The following KCNQ1 variants were observed in gnomAD, a reference collection of about 807,000 sequenced individuals.
KCNQ1 encodes potassium voltage-gated channel subfamily Q member 1, also known as potassium voltage-gated channel subfamily KQT member 1.
In KCNQ1, 49 loss-of-function variants were observed where a neutral mutation model predicts 72.4. The observed-to-expected ratio is 0.68, with a 90% CI of 0.54 to 0.86. The LOEUF is 0.86. Ranked by LOEUF, KCNQ1 falls within the 40% of genes least tolerant of loss-of-function variation. The pLI is 0.00. For missense variants in KCNQ1, 790 were observed against 945.1 expected (o/e 0.84, Z 2.15); for synonymous variants, 450 against 412.6 (o/e 1.09, Z -1.10).
intron 11 of KCNQ1, chr11:2,685,708 C>T (rs1850476473): frequency 2.5e-6 from 1 of 398,542 alleles, no homozygotes; most frequent in Non-Finnish European, 4.4e-6. Context: ...GTCTGGGACC[C>T]CAGGGAGGGT....
At chr11:2,801,755 C>G (rs777574523) in intron 15 of KCNQ1, among the ~76,000 whole-genome samples, 10 of 152,212 alleles carry the variant, frequency 6.6e-5, no homozygotes, top group Non-Finnish European at 1.3e-4. Context: ...CCACTGCATG[C>G]TGAAGGGCAG....
Position 2,653,776 on chromosome 11 carries a change from C to T in KCNQ1, c.1394-8185C>T, listed in dbSNP as rs1339928551. On this transcript the variant is annotated intron_variant, in intron 10 of 15. Coordinates refer to ENST00000155840, the MANE Select transcript of KCNQ1 (RefSeq NM_000218.3). The surrounding 1 kb of genome is among the most constrained non-coding windows in gnomAD (Gnocchi z 5.3). ...GGCCTCAGCTGGGGTACAAGCCATC[C>T]TTGGACCTGCAGCTGTACCTCCGAT... is the stretch of plus-strand genomic sequence containing the variant. 1 of 398,540 alleles carries T rather than the reference C, an allele frequency of 2.5e-6. No homozygotes were observed. Among genetic ancestry groups the T allele is most frequent in the African/African-American group, 2.1e-5 (1 of 48,642 alleles). 24.7% of individuals were successfully genotyped at this position (398,540 alleles called of 1,614,324 possible).
intron 15 of KCNQ1, among the ~76,000 whole-genome samples, chr11:2,833,760 C>T (rs1024157065): frequency 2.0e-5 from 3 of 152,224 alleles, no homozygotes; most frequent in Admixed American, 1.3e-4. Flanking sequence ...GCAAGTGCCC[C>T]GAGACGGGAC....
chr11:2,662,539 C>T (rs1370726506), intron 11 of KCNQ1: 1 of 428,240 alleles, frequency 2.3e-6, no homozygotes, highest in South Asian at 8.6e-5. Context: ...ATTTTCCACG[C>T]CTTCCAGTTG....
At position 2,477,027 on chromosome 11, in the gene KCNQ1, C is replaced by T. The variant is rs1846579069; in HGVS notation, c.386+31543C>T. Among the ~76,000 whole-genome samples the T allele has an allele frequency of 6.6e-6, 1 of 152,146 alleles. No individual in the cohort carries two copies. Among genetic ancestry groups the T allele is most frequent in the Non-Finnish European group, 1.5e-5 (1 of 68,034 alleles). On this transcript the variant is annotated intron_variant, in intron 1 of 15. Transcript: ENST00000155840. This position sits in a 1 kb window ranked among gnomAD's most constrained non-coding sequence, Gnocchi z 5.0. ...GACAGTACTTTGTAAAATTGTACTC[C>T]AGTGAATTTGAAAAATGTTGTGAGA...
intron 11 of KCNQ1, among the ~76,000 whole-genome samples, chr11:2,716,421 C>T (rs1336127235): frequency 6.6e-6 from 1 of 152,160 alleles, no homozygotes; most frequent in African/African-American, 2.4e-5. Context: ...AGAACACAGT[C>T]CCCAAGCCTC....
intron 10 of KCNQ1, among the ~76,000 whole-genome samples, chr11:2,590,112 T>C (rs1466022221): frequency 6.6e-6 from 1 of 152,146 alleles, no homozygotes; most frequent in Non-Finnish European, 1.5e-5. Flanking sequence ...TAAAACCAAA[T>C]GTGAAGGATT....
intron 1 of KCNQ1, among the ~76,000 whole-genome samples, chr11:2,506,670 G>A (rs1847110217): frequency 6.6e-6 from 1 of 152,184 alleles, no homozygotes; most frequent in Admixed American, 6.5e-5. Flanking sequence ...TGTTGGATGT[G>A]ACCAAATTTC....
At chr11:2,806,099 G>C (rs975758223) in intron 15 of KCNQ1, among the ~76,000 whole-genome samples, 4 of 152,178 alleles carry the variant, frequency 2.6e-5, no homozygotes, top group African/African-American at 7.2e-5. Context: ...GACAAACATG[G>C]TCCCAGTTTC....
intron 11 of KCNQ1, among the ~76,000 whole-genome samples, chr11:2,765,915 G>C (rs1846489660): frequency 6.6e-6 from 1 of 152,080 alleles, no homozygotes; most frequent in African/African-American, 2.4e-5. Context: ...CACTTATAAT[G>C]TATGCAATCT....
At chr11:2,655,407 CT>C in intron 10 of KCNQ1, 1 of 398,706 alleles carries the variant, frequency 2.5e-6, no homozygotes, top group Non-Finnish European at 4.4e-6. Context: ...GGATGCTGTG[CT>C]CTTTGTCCCC....
intron 10 of KCNQ1, chr11:2,637,700 C>A (rs558657677): frequency 3.3e-5 from 5 of 152,310 alleles, no homozygotes; most frequent in African/African-American, 1.2e-4. Flanking sequence ...TCTATTAGGT[C>A]CACTTGGTGC....
intron 6 of KCNQ1, among the ~76,000 whole-genome samples, chr11:2,578,891 C>T (rs936179019): frequency 1.3e-5 from 2 of 152,214 alleles, no homozygotes; most frequent in African/African-American, 4.8e-5. Flanking sequence ...GTCTGCCTGG[C>T]CACTTTCTAA....
At position 2,544,358 on chromosome 11, in the gene KCNQ1, G is replaced by GTA. The variant is rs1361052068; in HGVS notation, c.477+16348_477+16349dup. 1.4e-5 allele frequency among the ~76,000 whole-genome samples: 2 copies of GTA among 146,220 alleles called. No individual in the cohort carries two copies. The highest frequency in any genetic ancestry group is 6.9e-5 in the Admixed American group (1 of 14,430). The stretch of plus-strand genomic sequence containing the variant: ...TGTGTATGTATATGTATATATATGT[G>GTA]TATATATATGTGTATATATATGTGT... On this transcript the variant is annotated intron_variant, in intron 2 of 15. Coordinates refer to ENST00000155840, the MANE Select transcript of KCNQ1 (RefSeq NM_000218.3). The surrounding 1 kb of genome is among the most constrained non-coding windows in gnomAD (Gnocchi z 4.4).
rs1849175985 is a variant in KCNQ1 at position 2,621,752 on chromosome 11, T to A, written c.1393+32898T>A. On this transcript the variant is annotated intron_variant, in intron 10 of 15. Transcript: ENST00000155840. This position sits in a 1 kb window ranked among gnomAD's most constrained non-coding sequence, Gnocchi z 5.7. The stretch of plus-strand genomic sequence containing the variant: ...TATATTCTCCATTTTCATTTCTGAT[T>A]TTGTCCTCTTTCTTAGTCCAAGAGT... 1 of 398,276 alleles carries A rather than the reference T, an allele frequency of 2.5e-6. No homozygotes were observed. Among genetic ancestry groups the A allele is most frequent in the South Asian group, 1.3e-4 (1 of 7,854 alleles). 24.7% of individuals were successfully genotyped at this position (398,276 alleles called of 1,614,324 possible).
intron 15 of KCNQ1, among the ~76,000 whole-genome samples, chr11:2,837,270 A>G (rs752714615): frequency 6.6e-6 from 1 of 152,054 alleles, no homozygotes; most frequent in Non-Finnish European, 1.5e-5. Flanking sequence ...ATGTTGAGGG[A>G]CGGAGGTGGC....
chr11:2,515,842 C>T lies in KCNQ1; in HGVS notation c.387-12086C>T, dbSNP rs577080208. On this transcript the variant is annotated intron_variant, in intron 1 of 15. Coordinates refer to ENST00000155840, the MANE Select transcript of KCNQ1 (RefSeq NM_000218.3). The surrounding 1 kb of genome is among the most constrained non-coding windows in gnomAD (Gnocchi z 4.7). Reference sequence around the variant, plus strand: ...CGGCCCTGGGGGGCTTGTGCTCTGCCGGGCCACCTGCACCCTCCGGGCCCC... The same window carrying T: ...CGGCCCTGGGGGGCTTGTGCTCTGCTGGGCCACCTGCACCCTCCGGGCCCC... Among the ~76,000 whole-genome samples the T allele has an allele frequency of 8.9e-4, 135 of 152,162 alleles. 1 individual carries two copies. Among genetic ancestry groups the T allele is most frequent in the South Asian group, 3.3e-3 (16 of 4,822 alleles).
In KCNQ1 at chr11:2,515,748, T is replaced by C. The variant is rs1847278109; in HGVS notation, c.387-12180T>C. Among the ~76,000 whole-genome samples the C allele has an allele frequency of 6.6e-6, 1 of 152,094 alleles. No individual in the cohort carries two copies. The highest frequency in any genetic ancestry group is 2.1e-4 in the South Asian group (1 of 4,830). ...AAATATACTCTCTGTGGGTGTCTTA[T>C]CACAGCCCAGGGAGCCAGGCTTGGT... On this transcript the variant is annotated intron_variant, in intron 1 of 15. Coordinates refer to ENST00000155840, the MANE Select transcript of KCNQ1 (RefSeq NM_000218.3). This position sits in a 1 kb window ranked among gnomAD's most constrained non-coding sequence, Gnocchi z 4.7.
rs1340843218 is a variant in KCNQ1 at position 2,588,231 on chromosome 11, C to T, written c.1252-482C>T. Reference sequence around the variant, plus strand: ...GTTCCCCTTCCTGGCCCGTGCCCACCCCCTGTGGAGAGACCTGGCCTTCCC... The same window carrying T: ...GTTCCCCTTCCTGGCCCGTGCCCACTCCCTGTGGAGAGACCTGGCCTTCCC... On this transcript the variant is annotated intron_variant, in intron 9 of 15. Transcript: ENST00000155840. This position sits in a 1 kb window ranked among gnomAD's most constrained non-coding sequence, Gnocchi z 5.6. 2.6e-5 allele frequency among the ~76,000 whole-genome samples: 4 copies of T among 152,020 alleles called. No individual in the cohort carries two copies. Among genetic ancestry groups the T allele is most frequent in the Non-Finnish European group, 2.9e-5 (2 of 67,976 alleles).
Sources: allele counts gnomAD v4.1 joint callset (sites outside exome capture counted in the v4.1 genomes callset), GRCh38; gene constraint gnomAD v4.1.1; non-coding constraint Gnocchi (gnomAD v3.1); transcripts MANE v1.5; gene names NCBI Gene and HGNC (gene_info 2026-07-23, HGNC 2026-07-21).